The following CEP72 variants were observed in gnomAD, a reference collection of about 807,000 sequenced individuals.
CEP72 encodes centrosomal protein 72, also known as centrosomal protein of 72 kDa.
CEP72 carries 78 observed loss-of-function variants against 65.7 expected under a neutral mutation model. That is an observed-to-expected ratio of 1.19 (90% CI 0.99 to 1.43). The LOEUF is 1.43. CEP72 is among the 40% of genes most tolerant of loss of function. The probability of loss-of-function intolerance (pLI) is 0.00; values close to 1 mark genes in which losing one functional copy is unlikely to be tolerated. For synonymous variants in CEP72, 358 were observed against 351.7 expected, an observed-to-expected ratio of 1.02 and a Z score of -0.20; for missense variants, 914 against 832.9, an observed-to-expected ratio of 1.10 and a Z score of -1.20.
chr5:654,452 C>CT (rs940097665), downstream of CEP72, among the ~76,000 whole-genome samples: 2 of 136,534 alleles, frequency 1.5e-5, no homozygotes, highest in African/African-American at 5.6e-5. Context: ...TGTGTGTGTG[C>CT]TTCTGTGTGT....
At chr5:664,980 C>CA in intron 2 of CEP72, 2 of 1,249,124 alleles carry the variant, frequency 1.6e-6, no homozygotes, top group East Asian at 4.8e-5. Context: ...GGCCGCCCCC[C>CA]AGCCCCCTCT....
chr5:668,567 T>C (rs954547694), downstream of CEP72, among the ~76,000 whole-genome samples: 3 of 152,146 alleles, frequency 2.0e-5, no homozygotes, highest in African/African-American at 7.2e-5. Context: ...TGCCGGCACC[T>C]CGAGCTGAGC....
At chr5:620,846 T>G (rs763821083) in intron 3 of CEP72, among the ~76,000 whole-genome samples, 24 of 152,300 alleles carry the variant, frequency 1.6e-4, no homozygotes, top group South Asian at 4.1e-4. Flanking sequence ...GGTCCCTGGG[T>G]TGGGGCAGCC....
chr5:640,299 C>G, intron 8 of CEP72, 109 bp from the exon 9 acceptor site: 1 of 1,457,570 alleles, frequency 6.9e-7, no homozygotes, highest in South Asian at 1.4e-5. Context: ...CCCTACCTGT[C>G]GTCTTTTTGA....
At chr5:666,887 G>A (rs1400810976) in exon 5 of CEP72, 1 of 152,116 alleles carries the variant, frequency 6.6e-6, no homozygotes, top group Non-Finnish European at 1.5e-5. Context: ...AACCCAAAGT[G>A]GGGTTTTTCA....
At chr5:675,674 C>T in the CEP72 span, among the ~76,000 whole-genome samples, 1 of 151,956 alleles carries the variant, frequency 6.6e-6, no homozygotes, top group Non-Finnish European at 1.5e-5. Flanking sequence ...GAGCCCCAGC[C>T]CTTGTTGGGC....
In CEP72 at chr5:636,077, T is replaced by C. The variant is rs149320595; in HGVS notation, c.904+493T>C. On this transcript the variant is annotated intron_variant, in intron 6 of 11. Transcript: ENST00000264935. The stretch of plus-strand genomic sequence containing the variant: ...AATACTGTTAGAGTGGCAATAAGTT[T>C]CCAGCTTAGGAACTTTGGGGGGTTC... Among the ~76,000 whole-genome samples, 216 of 152,372 alleles carry C rather than the reference T, an allele frequency of 1.4e-3. 2 individuals carry two copies. Among genetic ancestry groups the C allele is most frequent in the African/African-American group, 5.0e-3 (206 of 41,590 alleles).
chr5:633,997 A>G (rs1240223600), intron 5 of CEP72, 50 bp downstream of exon 5: 11 of 1,570,296 alleles, frequency 7.0e-6, no homozygotes, highest in Non-Finnish European at 7.8e-6. Flanking sequence ...GCTCTGGGAT[A>G]TATATAGTCG....
intron 1 of CEP72, among the ~76,000 whole-genome samples, chr5:618,428 A>G (rs1622154): frequency 6.6e-6 from 1 of 151,476 alleles, no homozygotes; most frequent in Non-Finnish European, 1.5e-5. Context: ...CATGTGTTAA[A>G]GTTTGTCTTT....
intron 11 of CEP72, among the ~76,000 whole-genome samples, chr5:652,543 C>T (rs1300767428): frequency 1.3e-5 from 2 of 152,228 alleles, no homozygotes; most frequent in East Asian, 3.8e-4. Flanking sequence ...AAGACTAGGA[C>T]TCTTCTATTG....
chr5:661,771 T>G (rs1179073674), downstream of CEP72: 1 of 152,516 alleles, frequency 6.6e-6, no homozygotes, highest in East Asian at 1.9e-4. Context: ...TCCTCGTGAC[T>G]TTATTTTTGC....
intron 6 of CEP72, among the ~76,000 whole-genome samples, chr5:637,257 TC>T (rs1737671160): frequency 6.6e-6 from 1 of 152,298 alleles, no homozygotes; most frequent in African/African-American, 2.4e-5. Context: ...TCATCCAGAC[TC>T]CCCCAGAGTT....
At chr5:665,343 T>G (rs754282882) in intron 3 of CEP72, 1 of 1,558,200 alleles carries the variant, frequency 6.4e-7, no homozygotes, top group Non-Finnish European at 8.7e-7. Context: ...GCGAGCCAGG[T>G]GAGGCCAGCA....
At chr5:653,930 T>A (rs1043844380), downstream of CEP72, among the ~76,000 whole-genome samples, 1 of 152,244 alleles carries the variant, frequency 6.6e-6, no homozygotes, top group Non-Finnish European at 1.5e-5. Flanking sequence ...TGAGCAGGCC[T>A]AAGAAGAAAA....
downstream of CEP72, among the ~76,000 whole-genome samples, chr5:670,138 C>T (rs951453257): frequency 6.6e-6 from 1 of 152,314 alleles, no homozygotes; most frequent in African/African-American, 2.4e-5. Context: ...GGCCTGGGGC[C>T]TCCAGGAGCT....
chr5:653,294 T>A lies in CEP72; in HGVS notation c.*141T>A. On this transcript the variant is annotated 3_prime_UTR_variant, in exon 12 of 12. Coordinates refer to ENST00000264935, the MANE Select transcript of CEP72 (RefSeq NM_018140.4). Reference sequence around the variant, plus strand: ...ATTATTTAGGATTTTTGGAATGTATTCAGGACCTGTAGCTTGGTTTTCTAA... The same window carrying A: ...ATTATTTAGGATTTTTGGAATGTATACAGGACCTGTAGCTTGGTTTTCTAA... The A allele has an allele frequency of 1.2e-6, 1 of 823,958 alleles. No homozygotes were observed. The highest frequency in any genetic ancestry group is 1.8e-6 in the Non-Finnish European group (1 of 564,932). 51.0% of individuals were successfully genotyped at this position (823,958 alleles called of 1,614,324 possible).
rs200070365 is a variant in CEP72, at chr5:628,755, T to G, written c.512+4176T>G. 2.9e-4 allele frequency among the ~76,000 whole-genome samples: 39 copies of G among 135,908 alleles called. No homozygotes were observed. The East Asian group carries it at 4.6e-3, about 16-fold the overall frequency. The allele number at this position is 135,908 out of a possible 152,430, so 89.2% of individuals were successfully genotyped here. A position where few individuals can be genotyped will look rare whatever the true frequency, so the allele number is the denominator to read the frequency against. ...AGCTTCTGGAGAACTCAGGTTGCAG[T>G]CCCCGGGGAGTGTTCCCACGACCCA... On this transcript the variant is annotated intron_variant, in intron 4 of 11. Coordinates refer to ENST00000264935, the MANE Select transcript of CEP72 (RefSeq NM_018140.4).
intron 1 of CEP72, among the ~76,000 whole-genome samples, chr5:614,909 C>T (rs1735895816): frequency 6.6e-6 from 1 of 151,936 alleles, no homozygotes; most frequent in Non-Finnish European, 1.5e-5. Context: ...CAATTAGATC[C>T]TGTTGGTTGG....
chr5:643,119 G>A, intron 9 of CEP72: 1 of 975,688 alleles, frequency 1.0e-6, no homozygotes, highest in Non-Finnish European at 1.2e-6. Flanking sequence ...GGAGGTAGAG[G>A]CAGGAGGCTC....
Sources: allele counts gnomAD v4.1 joint callset (sites outside exome capture counted in the v4.1 genomes callset), GRCh38; gene constraint gnomAD v4.1.1; transcripts MANE v1.5; gene names NCBI Gene and HGNC (gene_info 2026-07-23, HGNC 2026-07-21).